The following DNAAF5 variants were observed in gnomAD, a reference collection of about 807,000 sequenced individuals.
DNAAF5 encodes the protein HEAT repeat containing 2.
DNAAF5 carries 64 observed loss-of-function variants against 75.8 expected under a neutral mutation model. The ratio of observed to expected loss-of-function variants is 0.84; its 90% CI spans 0.69 to 1.04. The LOEUF (loss-of-function observed/expected upper bound fraction) is 1.04, where lower values mean the gene tolerates loss of function less well. DNAAF5 is among the 50% of genes least tolerant of loss of function. The pLI, the probability that DNAAF5 is intolerant of heterozygous loss-of-function variation, is 0.00. For missense variants in DNAAF5, 1,269 were observed against 1,178.5 expected (o/e 1.08, Z -1.12); for synonymous variants, 657 against 557.2 (o/e 1.18, Z -2.52).
rs936717082 is a variant in DNAAF5 at position 774,835 on chromosome 7, A to G, written c.2083-171A>G. On this transcript the variant is annotated intron_variant, in intron 10 of 12. Coordinates refer to ENST00000297440, the MANE Select transcript of DNAAF5 (RefSeq NM_017802.4). ...CGTATTTTCTAAAAATCAAGTAAGC[A>G]AGTTAAAAATTGCTCAAAATCTAAA... Among the ~76,000 whole-genome samples, 5 of 152,202 alleles carry G rather than the reference A, an allele frequency of 3.3e-5. No homozygotes were observed. The South Asian group carries it at 6.2e-4, about 19-fold the overall frequency.
intron 4 of DNAAF5, among the ~76,000 whole-genome samples, chr7:745,589 CTGCACACGTATACACATACACACCTG>C (rs1342303673): frequency 6.6e-6 from 1 of 152,130 alleles, no homozygotes; most frequent in Non-Finnish European, 1.5e-5. Flanking sequence ...ATATACACAT[CTGCACACGTATACACATACACACCTG>C]TGCACACACG....
chr7:759,245 C>T (rs1782573477), intron 6 of DNAAF5, among the ~76,000 whole-genome samples: 2 of 152,156 alleles, frequency 1.3e-5, no homozygotes, highest in Non-Finnish European at 2.9e-5. Flanking sequence ...CAGAGAAGTC[C>T]GTGTAAATGT....
At chr7:781,357 A>G (rs919477129) in intron 12 of DNAAF5, among the ~76,000 whole-genome samples, 1 of 152,104 alleles carries the variant, frequency 6.6e-6, no homozygotes, top group Non-Finnish European at 1.5e-5. Context: ...ACTGGATCTC[A>G]TTTCTTTTGT....
At chr7:762,633 C>T (rs1782697361) in intron 7 of DNAAF5, among the ~76,000 whole-genome samples, 1 of 151,950 alleles carries the variant, frequency 6.6e-6, no homozygotes, top group African/African-American at 2.4e-5. Context: ...CTTTTTTCTT[C>T]AGTGGAGTCT....
chr7:752,979 C>T (rs747905783), intron 4 of DNAAF5, among the ~76,000 whole-genome samples: 8 of 152,220 alleles, frequency 5.3e-5, no homozygotes, highest in Non-Finnish European at 1.2e-4. Context: ...CGTTAGTCAT[C>T]GGGGAATGCA....
At position 770,720 on chromosome 7, in the gene DNAAF5, C is replaced by T. The variant is rs1251607137; in HGVS notation, c.1931+102C>T. 6.2e-6 allele frequency: 7 copies of T among 1,126,092 alleles called. No individual in the cohort carries two copies. In the South Asian group the frequency reaches 8.6e-5, roughly 14 times the overall value. 69.8% of individuals were successfully genotyped at this position (1,126,092 alleles called of 1,614,324 possible). On this transcript the variant is annotated intron_variant, in intron 9 of 12. Transcript: ENST00000297440. Reference sequence around the variant, plus strand: ...TCACTGAGCAAGGGGGTTCCCACCTCCTTCCCCAACACTGCACTGCGCAAG... The same window carrying T: ...TCACTGAGCAAGGGGGTTCCCACCTTCTTCCCCAACACTGCACTGCGCAAG...
chr7:742,820 CCGCTCAAATCAATCATGCCCAG>C (rs1405076957), intron 4 of DNAAF5, among the ~76,000 whole-genome samples: 10 of 149,330 alleles, frequency 6.7e-5, no homozygotes, highest in South Asian at 4.4e-4. Flanking sequence ...ATCACATGCC[CCGCTCAAATCAATCATGCCCAG>C]CTCAAATCAA....
intron 1 of DNAAF5, 24 bp downstream of exon 1, chr7:727,339 C>T: frequency 8.2e-7 from 1 of 1,221,756 alleles, no homozygotes; most frequent in Non-Finnish European, 1.0e-6. Context: ...GCCCCGCTCC[C>T]ACACGCCACC....
intron 7 of DNAAF5, among the ~76,000 whole-genome samples, chr7:762,759 G>T (rs1358656827): frequency 6.6e-6 from 1 of 151,770 alleles, no homozygotes; most frequent in African/African-American, 2.4e-5. Flanking sequence ...GATTACAGGC[G>T]CCCACCACCA....
intron 12 of DNAAF5, 107 bp from the exon 13 acceptor site, chr7:785,410 A>T: frequency 8.0e-7 from 1 of 1,247,138 alleles, no homozygotes; most frequent in Non-Finnish European, 1.1e-6. Context: ...TTATTTGCAG[A>T]TGCTTTTACA....
At chr7:731,720 G>A (rs955029824) in intron 2 of DNAAF5, among the ~76,000 whole-genome samples, 1 of 151,956 alleles carries the variant, frequency 6.6e-6, no homozygotes, top group Non-Finnish European at 1.5e-5. Context: ...TATCATTAGT[G>A]TTAGTGTTAT....
intron 11 of DNAAF5, among the ~76,000 whole-genome samples, chr7:779,316 A>G (rs915669131): frequency 1.6e-4 from 25 of 152,254 alleles, no homozygotes; most frequent in Non-Finnish European, 2.8e-4. Context: ...CAGCGTCGGG[A>G]AGATGGGCCT....
chr7:746,323 G>A lies in DNAAF5; in HGVS notation c.1024+4858G>A, dbSNP rs188310461. Among the ~76,000 whole-genome samples the A allele has an allele frequency of 1.1e-3, 123 of 113,120 alleles. 12 individuals carry two copies. Among genetic ancestry groups the A allele is most frequent in the African/African-American group, 4.1e-3 (112 of 27,602 alleles). 74.2% of individuals were successfully genotyped at this position (113,120 alleles called of 152,430 possible). ...TCTGTGTCCTCACTTTCCCCCGCCC[G>A]TCATGCCCAGGGCCTGTGACGCCCT... On this transcript the variant is annotated intron_variant, in intron 4 of 12. Transcript: ENST00000297440.
At chr7:730,601 G>A (rs1222104552) in intron 2 of DNAAF5, among the ~76,000 whole-genome samples, 1 of 152,196 alleles carries the variant, frequency 6.6e-6, no homozygotes, top group African/African-American at 2.4e-5. Flanking sequence ...GGCCAGGATG[G>A]AAGCCCTGAC....
intron 12 of DNAAF5, 30 bp from the exon 13 acceptor site, chr7:785,487 G>A: frequency 1.2e-6 from 2 of 1,605,946 alleles, no homozygotes; most frequent in Non-Finnish European, 8.5e-7. Flanking sequence ...TTTGTTTCTG[G>A]CATGTTCAAG....
intron 1 of DNAAF5, among the ~76,000 whole-genome samples, chr7:727,825 C>T (rs1372882151): frequency 6.7e-6 from 1 of 148,714 alleles, no homozygotes; most frequent in Non-Finnish European, 1.5e-5. Context: ...CCTGAGCCCC[C>T]TCCACCCCAC....
At position 731,048 on chromosome 7, in the gene DNAAF5, G is replaced by T. The variant is rs550905773; in HGVS notation, c.780+1201G>T. On this transcript the variant is annotated intron_variant, in intron 2 of 12. Coordinates refer to ENST00000297440, the MANE Select transcript of DNAAF5 (RefSeq NM_017802.4). ...TGGGCTGCGGAGGGCAGTTCAAGGGGCCAGGGCAAGAACAGAGCCCAGCAA... is the reference window on the plus strand; with the variant it reads ...TGGGCTGCGGAGGGCAGTTCAAGGGTCCAGGGCAAGAACAGAGCCCAGCAA... Among the ~76,000 whole-genome samples, 5 of 152,336 alleles carry T rather than the reference G, an allele frequency of 3.3e-5. No homozygotes were observed. In the South Asian group the frequency reaches 6.2e-4, roughly 19 times the overall value.
intron 6 of DNAAF5, among the ~76,000 whole-genome samples, chr7:761,122 C>T (rs1251432185): frequency 6.6e-6 from 1 of 152,268 alleles, no homozygotes. Context: ...TTCTCCACCA[C>T]ATAGCTCAAG....
chr7:774,797 T>G (rs1338730160), intron 10 of DNAAF5, among the ~76,000 whole-genome samples: 1 of 152,212 alleles, frequency 6.6e-6, no homozygotes, highest in East Asian at 1.9e-4. Context: ...ACCTAGGAGT[T>G]GTGAACAGTG....
Sources: gnomAD v4.1 joint callset for allele counts (sites outside exome capture counted in the v4.1 genomes callset) on GRCh38, gnomAD v4.1.1 for gene constraint, MANE v1.5 for transcripts, NCBI Gene and HGNC (gene_info 2026-07-23, HGNC 2026-07-21) for gene names.